The following ZNF385D variants were observed in gnomAD, a reference collection of about 807,000 sequenced individuals.
ZNF385D encodes the protein zinc finger protein 659.
A neutral mutation model predicts 35.8 loss-of-function variants in ZNF385D; 15 were observed. The ratio of observed to expected loss-of-function variants is 0.42; its 90% confidence interval spans 0.28 to 0.64. The LOEUF (loss-of-function observed/expected upper bound fraction) is 0.64. Ranked by LOEUF, ZNF385D falls within the 30% of genes least tolerant of loss-of-function variation. The probability of loss-of-function intolerance (pLI) is 0.23; values close to 1 mark genes in which losing one functional copy is unlikely to be tolerated. For synonymous variants in ZNF385D, 212 were observed against 186.8 expected, an observed-to-expected ratio of 1.13 and a Z score of -1.10; for missense variants, 474 against 494.6, an observed-to-expected ratio of 0.96 and a Z score of 0.39.
chr3:21,804,580 G>C (rs1451088035), intron 3 of ZNF385D, among the ~76,000 whole-genome samples: 1 of 152,150 alleles, frequency 6.6e-6, no homozygotes, highest in African/African-American at 2.4e-5. Context: ...AGAGTGTGCA[G>C]AAAGTACATT....
chr3:21,590,566 A>ATTGT (rs1175344250), intron 2 of ZNF385D, among the ~76,000 whole-genome samples: 1 of 152,128 alleles, frequency 6.6e-6, no homozygotes, highest in African/African-American at 2.4e-5. Context: ...AATGAATTAC[A>ATTGT]TTGTTTTTAT....
Position 22,123,952 on chromosome 3 carries a change from CTCTCTCTCTCTA to C in ZNF385D, c.325+44853_325+44864del, listed in dbSNP as rs1312847615. Among the ~76,000 whole-genome samples the C allele has an allele frequency of 7.6e-3, 775 of 102,012 alleles. 1 individual carries two copies. Among genetic ancestry groups the C allele is most frequent in the Non-Finnish European group, 0.012 (601 of 48,800 alleles). 66.9% of individuals were successfully genotyped at this position (102,012 alleles called of 152,430 possible). A position where few individuals can be genotyped will look rare whatever the true frequency, so the allele number is the denominator to read the frequency against. ...TCTCTCTCTCTCTCTCTCTCTCTCTCTCTCTCTCTCTATATATATATATATATATATATATAT... is the reference window on the plus strand; with the variant it reads ...TCTCTCTCTCTCTCTCTCTCTCTCTCTATATATATATATATATATATATAT... On this transcript the variant is annotated intron_variant, in intron 3 of 5. Transcript: ENST00000494108.
intron 2 of ZNF385D, among the ~76,000 whole-genome samples, chr3:22,193,097 TTC>T (rs1156349194): frequency 6.6e-6 from 1 of 152,192 alleles, no homozygotes; most frequent in East Asian, 1.9e-4. Context: ...TCAAAGAAAA[TTC>T]TTAGTTATCA....
rs535575728 is a variant in ZNF385D at position 21,526,296 on chromosome 3, G to T, written c.277-15273C>A. Among the ~76,000 whole-genome samples, 3 of 151,988 alleles carry T rather than the reference G, an allele frequency of 2.0e-5. No individual in the cohort carries two copies. The South Asian group carries it at 6.2e-4, about 32-fold the overall frequency. ...TTTTCACCTTTGCAGGGCTGGTCCTGCACACAAACTTCCAAGCAGAAGGGC... is the reference window on the plus strand; with the variant it reads ...TTTTCACCTTTGCAGGGCTGGTCCTTCACACAAACTTCCAAGCAGAAGGGC... On this transcript the variant is annotated intron_variant, in intron 3 of 7. Coordinates refer to ENST00000281523, the MANE Select transcript of ZNF385D (RefSeq NM_024697.3).
At chr3:21,699,949 G>A (rs111938320) in intron 1 of ZNF385D, among the ~76,000 whole-genome samples, 10,823 of 149,248 alleles carry the variant, frequency 0.073, 430 homozygotes, top group East Asian at 0.13. Flanking sequence ...CTCTTGTCTC[G>A]GCCTCCCAAG....
intron 4 of ZNF385D, among the ~76,000 whole-genome samples, chr3:21,488,909 G>T (rs1399866064): frequency 1.3e-5 from 2 of 152,098 alleles, no homozygotes; most frequent in Non-Finnish European, 2.9e-5. Flanking sequence ...GTAGAACTTA[G>T]AATTGGATTT....
chr3:21,972,072 A>C (rs1305581166), intron 3 of ZNF385D, among the ~76,000 whole-genome samples: 2 of 151,960 alleles, frequency 1.3e-5, no homozygotes, highest in Non-Finnish European at 2.9e-5. Flanking sequence ...TCAACAAAGA[A>C]AAATTGAACT....
chr3:21,556,411 G>A (rs1181040863), intron 3 of ZNF385D, among the ~76,000 whole-genome samples: 1 of 152,064 alleles, frequency 6.6e-6, no homozygotes, highest in African/African-American at 2.4e-5. Context: ...AAGGTGTAAG[G>A]AAGGGATCCA....
intron 3 of ZNF385D, among the ~76,000 whole-genome samples, chr3:21,936,842 C>A (rs1040719627): frequency 2.0e-5 from 3 of 152,078 alleles, no homozygotes; most frequent in Non-Finnish European, 4.4e-5. Context: ...AGTCTGTAAA[C>A]TTCCTGGGCT....
At chr3:22,038,947 G>A (rs1387313172) in intron 3 of ZNF385D, among the ~76,000 whole-genome samples, 1 of 149,832 alleles carries the variant, frequency 6.7e-6, no homozygotes, top group Non-Finnish European at 1.5e-5. Context: ...AATATGATCA[G>A]GCATGACTCA....
chr3:21,975,702 A>AATATATAT (rs56303677), intron 3 of ZNF385D, among the ~76,000 whole-genome samples: 139 of 123,944 alleles, frequency 1.1e-3, no homozygotes, highest in East Asian at 1.7e-3. Context: ...GTACCCACGA[A>AATATATAT]ATATATATAT....
chr3:22,355,363 A>G (rs1475387275), intron 2 of ZNF385D, among the ~76,000 whole-genome samples: 1 of 152,042 alleles, frequency 6.6e-6, no homozygotes, highest in African/African-American at 2.4e-5. Context: ...GAATCTATAC[A>G]TCTATATTTT....
At chr3:22,151,243 G>T (rs1382225853) in intron 3 of ZNF385D, among the ~76,000 whole-genome samples, 1 of 152,176 alleles carries the variant, frequency 6.6e-6, no homozygotes, top group Non-Finnish European at 1.5e-5. Context: ...GGATATGCTG[G>T]CTGACGGTGG....
chr3:22,184,669 A>G (rs538972471), intron 2 of ZNF385D, among the ~76,000 whole-genome samples: 2 of 152,236 alleles, frequency 1.3e-5, no homozygotes, highest in South Asian at 2.1e-4. Context: ...CTACTTACAA[A>G]CACAAAAATT....
chr3:22,077,450 G>T (rs1265016687), intron 3 of ZNF385D, among the ~76,000 whole-genome samples: 1 of 151,942 alleles, frequency 6.6e-6, no homozygotes. Flanking sequence ...CTATGCTGAT[G>T]TAATTTGGTC....
chr3:21,538,499 G>A (rs2062092175), intron 3 of ZNF385D, among the ~76,000 whole-genome samples: 1 of 152,102 alleles, frequency 6.6e-6, no homozygotes, highest in Non-Finnish European at 1.5e-5. Context: ...ACTTGGTTCT[G>A]TACATAAAAT....
In ZNF385D at chr3:21,420,995, G is replaced by A. The variant is rs1846962; in HGVS notation, c.*219C>T. 0.13 allele frequency: 56,815 copies of A among 424,388 alleles called. 7,302 individuals are homozygous for A. The highest frequency in any genetic ancestry group is 0.27 in the African/African-American group (13,284 of 48,888). The allele number at this position is 424,388 out of a possible 1,614,324, so 26.3% of individuals were successfully genotyped here. On this transcript the variant is annotated 3_prime_UTR_variant, in exon 8 of 8. Transcript: ENST00000281523. ...CTGGAGATCACTTCTAAAACAATCA[G>A]CGTTCAAGAGGAATGCTTTAATTTG...
At chr3:21,809,802 A>G (rs565577234) in intron 3 of ZNF385D, among the ~76,000 whole-genome samples, 1 of 152,050 alleles carries the variant, frequency 6.6e-6, no homozygotes, top group African/African-American at 2.4e-5. Context: ...GCAAGAAGGC[A>G]AGGAAAGAGA....
At chr3:21,979,401 A>G (rs1330058360) in intron 3 of ZNF385D, among the ~76,000 whole-genome samples, 6 of 152,218 alleles carry the variant, frequency 3.9e-5, no homozygotes, top group Non-Finnish European at 8.8e-5. Context: ...CTGAGGTGTG[A>G]GATTGAGCTT....
Sources: allele counts gnomAD v4.1 joint callset (sites outside exome capture counted in the v4.1 genomes callset), GRCh38; gene constraint gnomAD v4.1.1; transcripts MANE v1.5; gene names NCBI Gene and HGNC (gene_info 2026-07-23, HGNC 2026-07-21).